Variants in ADGRL4 observed in about 807,000 individuals in gnomAD.
The protein encoded by ADGRL4 is EGF, latrophilin and seven transmembrane domain containing 1.
ADGRL4 carries 90 observed loss-of-function variants against 74.8 expected under a neutral mutation model. The observed-to-expected ratio is 1.20, with a 90% confidence interval of 1.02 to 1.43. The LOEUF (loss-of-function observed/expected upper bound fraction) is 1.43. ADGRL4 is among the 40% of genes most tolerant of loss of function. The pLI is 0.00. For synonymous variants in ADGRL4, 311 were observed against 279.2 expected (o/e 1.11, Z -1.14); for missense variants, 881 against 814.3 (o/e 1.08, Z -1.00).
In ADGRL4 at chr1:78,926,927, A is replaced by G; in HGVS notation, c.1042T>C (p.Tyr348His). ...GTAAATGTTATTTTTTCAAGTTCAT[A>G]TAATGTGGGTGGGTTTGAGCTCATT... ...VSMSSNPPTL[Y>H]ELEKITFTLS... The change falls in exon 8 of 15, where the codon TAT (tyrosine) becomes CAT (histidine). Residue 348 changes from tyrosine (Y) to histidine (H), a missense_variant. Transcript: ENST00000370742. 1.9e-6 allele frequency: 3 copies of G among 1,612,182 alleles called. No individual in the cohort carries two copies. The highest frequency in any genetic ancestry group is 1.7e-4 in the Middle Eastern group (1 of 6,014).
chr1:78,927,678 G>T (rs773822988), intron 7 of ADGRL4, among the ~76,000 whole-genome samples: 2 of 152,002 alleles, frequency 1.3e-5, no homozygotes, highest in Admixed American at 6.6e-5. Flanking sequence ...CCCAAATGCA[G>T]TGCACCAGCA....
At chr1:78,999,017 C>T (rs1278083270) in intron 2 of ADGRL4, among the ~76,000 whole-genome samples, 2 of 151,934 alleles carry the variant, frequency 1.3e-5, no homozygotes, top group East Asian at 1.9e-4. Flanking sequence ...TATTAAGCTG[C>T]AAACCTGAAA....
At chr1:78,947,834 G>A (rs935858641) in intron 2 of ADGRL4, among the ~76,000 whole-genome samples, 2 of 152,088 alleles carry the variant, frequency 1.3e-5, no homozygotes, top group Non-Finnish European at 2.9e-5. Flanking sequence ...AAAATGTCTT[G>A]AATCTTTATT....
Position 78,921,659 on chromosome 1 carries a change from T to C in ADGRL4, c.1211A>G (p.Asn404Ser). 6.3e-7 allele frequency: 1 copy of C among 1,592,656 alleles called. No homozygotes were observed. Among genetic ancestry groups the C allele is most frequent in the Non-Finnish European group, 8.5e-7 (1 of 1,170,120 alleles). ...SNETHTSCRC[N>S]HLTHFAILMS... The stretch of plus-strand genomic sequence containing the variant: ...CAAAATTGCAAAATGTGTCAGGTGA[T>C]TACAGCGGCATGAGGTGTGGGTCTC... The change falls in exon 9 of 15, where the codon AAT becomes AGT. Residue 404 changes from asparagine (N) to serine (S), a missense_variant. By Grantham distance (46) the Asn-to-Ser change is conservative. Coordinates refer to ENST00000370742, the MANE Select transcript of ADGRL4 (RefSeq NM_022159.4).
At chr1:78,913,605 G>C (rs1275648772) in intron 12 of ADGRL4, among the ~76,000 whole-genome samples, 1 of 151,718 alleles carries the variant, frequency 6.6e-6, no homozygotes, top group Non-Finnish European at 1.5e-5. Context: ...GGGAACAGCA[G>C]ACATTGGAGC....
At position 78,890,001 on chromosome 1, in the gene ADGRL4, G is replaced by T. The variant is rs1203112775; in HGVS notation, c.*1153C>A. The T allele has an allele frequency of 2.8e-5, 6 of 215,416 alleles. No individual in the cohort carries two copies. Among genetic ancestry groups the T allele is most frequent in the Non-Finnish European group, 6.2e-5 (6 of 96,610 alleles). The allele number at this position is 215,416 out of a possible 1,614,324, so 13.3% of individuals were successfully genotyped here. On this transcript the variant is annotated 3_prime_UTR_variant, in exon 15 of 15. Coordinates refer to ENST00000370742, the MANE Select transcript of ADGRL4 (RefSeq NM_022159.4). ...ATGATTTAATAGATAGTAGAAAACT[G>T]TCAGAAAATGGATCCACTGTGAAAA...
intron 2 of ADGRL4, among the ~76,000 whole-genome samples, chr1:78,973,039 A>G (rs1650202337): frequency 6.6e-6 from 1 of 152,190 alleles, no homozygotes; most frequent in South Asian, 2.1e-4. Context: ...GGCTGTTAGC[A>G]TTAGCATTTT....
intron 12 of ADGRL4, among the ~76,000 whole-genome samples, chr1:78,914,857 T>C (rs1037291999): frequency 6.6e-6 from 1 of 151,754 alleles, no homozygotes; most frequent in African/African-American, 2.4e-5. Context: ...TGACCACCAG[T>C]TGTTATGGGG....
At chr1:78,946,140 T>C in intron 3 of ADGRL4, 134 bp downstream of exon 3, 2 of 517,104 alleles carry the variant, frequency 3.9e-6, no homozygotes, top group Non-Finnish European at 6.4e-6. Flanking sequence ...AGGACATTAA[T>C]TACATTTCTG....
Position 78,917,745 on chromosome 1 carries a change from T to C in ADGRL4, c.1683-45A>G, listed in dbSNP as rs751514265. On this transcript the variant is annotated intron_variant, in intron 11 of 14. Coordinates refer to ENST00000370742, the MANE Select transcript of ADGRL4 (RefSeq NM_022159.4). The stretch of plus-strand genomic sequence containing the variant: ...TAGAATCTATAAATATGTTTGCATG[T>C]ATGTTAACATAGCAAAATTATCAAA... The C allele has an allele frequency of 3.2e-6, 5 of 1,569,962 alleles. No homozygotes were observed. In the South Asian group the frequency reaches 5.6e-5, roughly 18 times the overall value.
chr1:78,972,076 A>G lies in ADGRL4; in HGVS notation c.173-25650T>C, dbSNP rs1160662803. Among the ~76,000 whole-genome samples the G allele has an allele frequency of 9.9e-5, 15 of 152,212 alleles. No homozygotes were observed. The East Asian group carries it at 2.7e-3, about 27-fold the overall frequency. ...GGCCAGGATTATTTTAAGGATTAAA[A>G]AACCTTAAATATCCTAAAGTAGCAC... is the stretch of plus-strand genomic sequence containing the variant. On this transcript the variant is annotated intron_variant, in intron 2 of 14. Coordinates refer to ENST00000370742, the MANE Select transcript of ADGRL4 (RefSeq NM_022159.4).
chr1:79,000,263 T>A (rs1360418110), intron 2 of ADGRL4, among the ~76,000 whole-genome samples: 2 of 152,210 alleles, frequency 1.3e-5, no homozygotes, highest in Admixed American at 1.3e-4. Context: ...TATGTTCATA[T>A]TAAACCCTAC....
intron 12 of ADGRL4, among the ~76,000 whole-genome samples, chr1:78,899,703 A>T (rs986528952): frequency 5.9e-5 from 9 of 152,094 alleles, no homozygotes; most frequent in African/African-American, 2.2e-4. Context: ...GTGCTCTATT[A>T]ATTGTCCATG....
intron 2 of ADGRL4, among the ~76,000 whole-genome samples, chr1:78,975,441 A>T (rs1426450304): frequency 4.6e-5 from 7 of 151,988 alleles, no homozygotes; most frequent in African/African-American, 1.2e-4. Context: ...TTGTCCCTTA[A>T]ACAATTATCT....
At position 78,997,618 on chromosome 1, in the gene ADGRL4, G is replaced by C. The variant is rs544275819; in HGVS notation, c.172+7452C>G. ...ATGCAAAATTTTCCAGAATGTCTTT[G>C]AGCATATAAATCAGAGTGTTTTCTT... On this transcript the variant is annotated intron_variant, in intron 2 of 14. Coordinates refer to ENST00000370742, the MANE Select transcript of ADGRL4 (RefSeq NM_022159.4). Among the ~76,000 whole-genome samples, 7 of 152,168 alleles carry C rather than the reference G, an allele frequency of 4.6e-5. No homozygotes were observed. The East Asian group carries it at 1.4e-3, about 29-fold the overall frequency.
intron 12 of ADGRL4, among the ~76,000 whole-genome samples, chr1:78,893,803 C>T (rs1271640575): frequency 6.6e-6 from 1 of 151,874 alleles, no homozygotes; most frequent in Admixed American, 6.6e-5. Flanking sequence ...AATGTTAACA[C>T]ATTCTATTAT....
intron 2 of ADGRL4, among the ~76,000 whole-genome samples, chr1:78,962,979 A>T (rs2100709940): frequency 6.6e-6 from 1 of 152,298 alleles, no homozygotes; most frequent in South Asian, 2.1e-4. Flanking sequence ...AAATCTTTTC[A>T]TATTTTATTA....
chr1:78,958,920 C>T (rs921729321), intron 2 of ADGRL4, among the ~76,000 whole-genome samples: 3 of 152,144 alleles, frequency 2.0e-5, no homozygotes, highest in Non-Finnish European at 2.9e-5. Context: ...CTTTGGCAAC[C>T]ACCACCCTGA....
chr1:79,005,281 GAATTA>G, intron 1 of ADGRL4, 62 bp from the exon 2 acceptor site: 2 of 1,272,494 alleles, frequency 1.6e-6, no homozygotes, highest in South Asian at 3.0e-5. Flanking sequence ...CCCCATTGTT[GAATTA>G]GAGTATAATA....
Sources: gnomAD v4.1 joint callset for allele counts (sites outside exome capture counted in the v4.1 genomes callset) on GRCh38, gnomAD v4.1.1 for gene constraint, MANE v1.5 for transcripts, NCBI Gene and HGNC (gene_info 2026-07-23, HGNC 2026-07-21) for gene names.